Variants in SGCZ observed in about 807,000 individuals in gnomAD.
The protein encoded by SGCZ is zeta-sarcoglycan.
Under a neutral mutation model 41.3 loss-of-function variants are expected in SGCZ, and 40 were observed. The observed-to-expected ratio is 0.97, with a 90% CI of 0.75 to 1.26. The LOEUF is 1.26. Ranked by LOEUF, SGCZ falls within the 50% of genes most tolerant of loss-of-function variation. SGCZ has a pLI of 0.00. For synonymous variants in SGCZ, 206 were observed against 137.5 expected (o/e 1.50, Z -3.49); for missense variants, 552 against 369.8 (o/e 1.49, Z -4.04).
chr8:14,355,508 G>A (rs1803261993), intron 2 of SGCZ, among the ~76,000 whole-genome samples: 1 of 151,602 alleles, frequency 6.6e-6, no homozygotes. Context: ...TTAAAATCTT[G>A]GTAAAAATTC....
In SGCZ at chr8:15,142,230, G is replaced by A. The variant is rs1461764576; in HGVS notation, c.39+95355C>T. On this transcript the variant is annotated intron_variant, in intron 1 of 7. Coordinates refer to ENST00000382080, the MANE Select transcript of SGCZ (RefSeq NM_139167.4). ...TTAGGGTCTAAGATTTTATTGAGGG[G>A]TAGGGAAATAACCCTAGAGTATGTT... is the stretch of plus-strand genomic sequence containing the variant. Among the ~76,000 whole-genome samples, 4 of 152,228 alleles carry A rather than the reference G, an allele frequency of 2.6e-5. No individual in the cohort carries two copies. The East Asian group carries it at 7.7e-4, about 29-fold the overall frequency.
At position 14,484,860 on chromosome 8, in the gene SGCZ, T is replaced by C. The variant is rs551311671; in HGVS notation, c.234+69872A>G. Among the ~76,000 whole-genome samples the C allele has an allele frequency of 7.9e-5, 12 of 152,314 alleles. No individual in the cohort carries two copies. In the South Asian group the frequency reaches 2.5e-3, roughly 32 times the overall value. The stretch of plus-strand genomic sequence containing the variant: ...TAAATGCATTTCTTGGTGATACTTC[T>C]GTTGCTTCATAGTATAATAAGATAA... On this transcript the variant is annotated intron_variant, in intron 2 of 7. Coordinates refer to ENST00000382080, the MANE Select transcript of SGCZ (RefSeq NM_139167.4).
intron 1 of SGCZ, among the ~76,000 whole-genome samples, chr8:14,579,908 T>C (rs1489124132): frequency 6.6e-6 from 1 of 152,202 alleles, no homozygotes; most frequent in African/African-American, 2.4e-5. Context: ...AGATGTTTTA[T>C]GTGCCAGAGA....
intron 1 of SGCZ, among the ~76,000 whole-genome samples, chr8:14,716,719 T>A (rs890801634): frequency 6.6e-6 from 1 of 152,112 alleles, no homozygotes; most frequent in Non-Finnish European, 1.5e-5. Flanking sequence ...TCTAAATGCA[T>A]AGTTCATTGA....
chr8:15,014,701 T>G (rs1216274812), intron 1 of SGCZ, among the ~76,000 whole-genome samples: 1 of 152,184 alleles, frequency 6.6e-6, no homozygotes, highest in African/African-American at 2.4e-5. Context: ...TGCACACTAA[T>G]CACCAAAGCT....
chr8:14,513,336 C>T (rs900598856), intron 2 of SGCZ, among the ~76,000 whole-genome samples: 4 of 152,100 alleles, frequency 2.6e-5, no homozygotes, highest in African/African-American at 9.7e-5. Context: ...CAGTGCCAAA[C>T]CACTATTACC....
chr8:14,153,257 T>G (rs1254201792), intron 5 of SGCZ, among the ~76,000 whole-genome samples: 1 of 152,186 alleles, frequency 6.6e-6, no homozygotes, highest in Non-Finnish European at 1.5e-5. Context: ...ATAATCAGTG[T>G]TTAGGTAGTA....
At chr8:14,138,902 CAA>C (rs1300867517) in intron 5 of SGCZ, among the ~76,000 whole-genome samples, 1 of 152,160 alleles carries the variant, frequency 6.6e-6, no homozygotes, top group African/African-American at 2.4e-5. Flanking sequence ...TTCTAAGCAC[CAA>C]ATCGCACTTA....
chr8:14,529,451 A>T (rs774005175), intron 2 of SGCZ, among the ~76,000 whole-genome samples: 2 of 152,048 alleles, frequency 1.3e-5, no homozygotes, highest in Non-Finnish European at 2.9e-5. Context: ...TCTGTTCCTA[A>T]CTCCCCATGA....
chr8:14,421,314 T>C (rs1486110508), intron 2 of SGCZ, among the ~76,000 whole-genome samples: 2 of 152,084 alleles, frequency 1.3e-5, no homozygotes, highest in Non-Finnish European at 2.9e-5. Context: ...CTTTATTATA[T>C]AAAACAATAT....
intron 3 of SGCZ, among the ~76,000 whole-genome samples, chr8:14,245,703 A>C (rs1423884418): frequency 6.6e-6 from 1 of 152,160 alleles, no homozygotes; most frequent in Non-Finnish European, 1.5e-5. Flanking sequence ...TCATCTGACA[A>C]AGGGCTAATA....
At chr8:14,097,312 T>A (rs1261494670) in intron 7 of SGCZ, among the ~76,000 whole-genome samples, 1 of 152,216 alleles carries the variant, frequency 6.6e-6, no homozygotes, top group Non-Finnish European at 1.5e-5. Flanking sequence ...TCTCATTGGT[T>A]TCAAAGAACA....
chr8:14,719,341 T>C (rs1486733481), intron 1 of SGCZ, among the ~76,000 whole-genome samples: 1 of 150,352 alleles, frequency 6.7e-6, no homozygotes, highest in Non-Finnish European at 1.5e-5. Flanking sequence ...TATAGCAGCA[T>C]GATTTATAGT....
chr8:14,255,083 A>G (rs1056410146), intron 3 of SGCZ, among the ~76,000 whole-genome samples: 2 of 152,048 alleles, frequency 1.3e-5, no homozygotes, highest in African/African-American at 4.8e-5. Context: ...AGTTCCAGAT[A>G]ATTCTCTCTC....
chr8:14,521,352 A>G (rs1389774010), intron 2 of SGCZ, among the ~76,000 whole-genome samples: 1 of 152,146 alleles, frequency 6.6e-6, no homozygotes, highest in Admixed American at 6.6e-5. Flanking sequence ...ATAATTTTCC[A>G]GAGATTCCTC....
intron 1 of SGCZ, among the ~76,000 whole-genome samples, chr8:14,956,728 T>G (rs989712695): frequency 6.6e-6 from 1 of 152,224 alleles, no homozygotes; most frequent in African/African-American, 2.4e-5. Flanking sequence ...ATTTCCTTGA[T>G]GGTCAGATTT....
intron 1 of SGCZ, among the ~76,000 whole-genome samples, chr8:14,860,615 G>A (rs1276300203): frequency 1.4e-5 from 2 of 145,242 alleles, no homozygotes; most frequent in Admixed American, 6.9e-5. Context: ...AAAAAGACAA[G>A]ACAGAGAAAA....
chr8:14,841,123 CA>C (rs1802894586), intron 1 of SGCZ, among the ~76,000 whole-genome samples: 1 of 151,170 alleles, frequency 6.6e-6, no homozygotes, highest in African/African-American at 2.4e-5. Flanking sequence ...AAAAAAAAAT[CA>C]AGTTACAAAA....
intron 1 of SGCZ, among the ~76,000 whole-genome samples, chr8:14,949,967 G>C (rs1008583645): frequency 6.6e-6 from 1 of 151,964 alleles, no homozygotes; most frequent in African/African-American, 2.4e-5. Flanking sequence ...TTTTCTTTAA[G>C]AGTAACCAAT....
Sources: gnomAD v4.1 joint callset for allele counts (sites outside exome capture counted in the v4.1 genomes callset) on GRCh38, gnomAD v4.1.1 for gene constraint, MANE v1.5 for transcripts, NCBI Gene and HGNC (gene_info 2026-07-23, HGNC 2026-07-21) for gene names.